Variants in AZIN1 observed in about 807,000 individuals in gnomAD.
AZIN1 encodes the protein antizyme inhibitor 1.
AZIN1 carries 12 observed loss-of-function variants against 47.4 expected under a neutral mutation model. The ratio of observed to expected loss-of-function variants is 0.25; its 90% CI spans 0.16 to 0.41. The LOEUF is 0.41. AZIN1 is among the 10% of genes least tolerant of loss of function. The probability of loss-of-function intolerance (pLI) is 1.00; values close to 1 mark genes in which losing one functional copy is unlikely to be tolerated. For synonymous variants in AZIN1, 155 were observed against 176.3 expected (o/e 0.88, Z 0.96); for missense variants, 410 against 532.4 (o/e 0.77, Z 2.26).
At chr8:102,848,603 C>T (rs1415188486) in intron 2 of AZIN1, among the ~76,000 whole-genome samples, 1 of 152,062 alleles carries the variant, frequency 6.6e-6, no homozygotes, top group Non-Finnish European at 1.5e-5. Flanking sequence ...CTTGGAAACC[C>T]AGTATTTCCA....
intron 6 of AZIN1, chr8:102,835,013 T>C (rs1253143648): frequency 5.9e-6 from 2 of 338,252 alleles, no homozygotes; most frequent in Non-Finnish European, 1.1e-5. Flanking sequence ...GTTCCACGGT[T>C]ATACAATAAG....
intron 2 of AZIN1, among the ~76,000 whole-genome samples, chr8:102,850,771 G>GA (rs1402856435): frequency 6.6e-6 from 1 of 152,142 alleles, no homozygotes; most frequent in Non-Finnish European, 1.5e-5. Context: ...TGATGAGGTT[G>GA]AAAAAACTGA....
chr8:102,843,752 C>A lies in AZIN1; in HGVS notation c.-95-5G>T. 6.6e-7 allele frequency: 1 copy of A among 1,522,308 alleles called. No individual in the cohort carries two copies. The highest frequency in any genetic ancestry group is 1.3e-5 in the South Asian group (1 of 78,576). 94.3% of individuals were successfully genotyped at this position (1,522,308 alleles called of 1,614,324 possible). ...GTCCTTAGAATATGCAACAAACTGT[C>A]AAAATATAAGTTATATAAAAGTCTG... On this transcript the variant is annotated splice_region_variant and splice_polypyrimidine_tract_variant and intron_variant, in intron 2 of 11. Coordinates refer to ENST00000337198, the MANE Select transcript of AZIN1 (RefSeq NM_148174.4).
intron 2 of AZIN1, among the ~76,000 whole-genome samples, chr8:102,854,179 T>G (rs970626262): frequency 6.6e-6 from 1 of 151,952 alleles, no homozygotes; most frequent in Admixed American, 6.6e-5. Context: ...CTTCAGATGA[T>G]CTGCCGGCCT....
intron 5 of AZIN1, 109 bp from the exon 6 acceptor site, chr8:102,836,499 A>G: frequency 8.2e-7 from 1 of 1,212,542 alleles, no homozygotes; most frequent in Non-Finnish European, 1.2e-6. Flanking sequence ...GTGCTCCCAA[A>G]TCCAGCGACG....
At chr8:102,833,269 C>T (rs762872956) in intron 8 of AZIN1, 51 bp from the exon 9 acceptor site, 53 of 1,531,054 alleles carry the variant, frequency 3.5e-5, no homozygotes, top group African/African-American at 5.6e-5. Flanking sequence ...TTAGATAATT[C>T]GCAATATTCA....
At chr8:102,841,779 T>C (rs1473386106) in intron 3 of AZIN1, among the ~76,000 whole-genome samples, 3 of 135,450 alleles carry the variant, frequency 2.2e-5, no homozygotes, top group Non-Finnish European at 4.6e-5. Context: ...AAAGATTGTA[T>C]CAGTTAAGTC....
At chr8:102,842,515 G>A (rs1269090766) in intron 3 of AZIN1, among the ~76,000 whole-genome samples, 2 of 152,062 alleles carry the variant, frequency 1.3e-5, no homozygotes, top group Non-Finnish European at 2.9e-5. Flanking sequence ...AGACCAGCCT[G>A]GCCAACATGG....
At chr8:102,829,739 C>G in intron 10 of AZIN1, 82 bp downstream of exon 10, 1 of 1,110,528 alleles carries the variant, frequency 9.0e-7, no homozygotes, top group East Asian at 2.4e-5. Context: ...AGATGTTTTT[C>G]AAAAAACTGG....
At chr8:102,846,808 C>T (rs1053473759) in intron 2 of AZIN1, among the ~76,000 whole-genome samples, 1 of 152,150 alleles carries the variant, frequency 6.6e-6, no homozygotes, top group Non-Finnish European at 1.5e-5. Context: ...TACTCACAGC[C>T]TTTCTTCATA....
chr8:102,851,892 T>C (rs182535826), intron 2 of AZIN1, among the ~76,000 whole-genome samples: 148 of 152,320 alleles, frequency 9.7e-4, no homozygotes, highest in African/African-American at 3.4e-3. Flanking sequence ...TTCCACTGGC[T>C]GGCAGTTTAA....
intron 1 of AZIN1, among the ~76,000 whole-genome samples, chr8:102,860,564 A>G (rs1237065536): frequency 2.6e-5 from 4 of 152,062 alleles, no homozygotes; most frequent in Non-Finnish European, 4.4e-5. Flanking sequence ...CGCCTGGCCT[A>G]TTTTATTTTC....
intron 3 of AZIN1, among the ~76,000 whole-genome samples, chr8:102,842,311 T>C (rs1382502380): frequency 6.6e-6 from 1 of 152,206 alleles, no homozygotes; most frequent in African/African-American, 2.4e-5. Context: ...GGCTCACGCC[T>C]GTTAATCCAA....
chr8:102,854,404 A>T (rs1211033592), intron 2 of AZIN1: 2 of 150,534 alleles, frequency 1.3e-5, no homozygotes, highest in Admixed American at 1.3e-4. Context: ...GTTCAAGACC[A>T]GCCTGGCCAC....
At chr8:102,861,023 AAAAAGACATT>A (rs1322472984) in intron 1 of AZIN1, among the ~76,000 whole-genome samples, 1 of 42,276 alleles carries the variant, frequency 2.4e-5, no homozygotes, top group East Asian at 6.1e-4. Flanking sequence ...TCTGGAACAG[AAAAAGACATT>A]AAAGAAAAAT....
At chr8:102,844,546 T>C (rs1812435722) in intron 2 of AZIN1, among the ~76,000 whole-genome samples, 1 of 152,082 alleles carries the variant, frequency 6.6e-6, no homozygotes, top group Non-Finnish European at 1.5e-5. Flanking sequence ...TCAGAAGACC[T>C]CGTCCTGGCT....
At chr8:102,845,422 T>C (rs1812507886) in intron 2 of AZIN1, among the ~76,000 whole-genome samples, 1 of 152,220 alleles carries the variant, frequency 6.6e-6, no homozygotes, top group Non-Finnish European at 1.5e-5. Context: ...GATGTTTTTA[T>C]TTTACCAAGT....
chr8:102,844,343 CT>C (rs1195803589), intron 2 of AZIN1, among the ~76,000 whole-genome samples: 3 of 117,816 alleles, frequency 2.5e-5, no homozygotes, highest in East Asian at 4.8e-4. Flanking sequence ...TCCGTCTCTC[CT>C]AAAAAAAAAA....
At chr8:102,861,355 G>A (rs1813638988) in intron 1 of AZIN1, among the ~76,000 whole-genome samples, 1 of 151,794 alleles carries the variant, frequency 6.6e-6, no homozygotes, top group Admixed American at 6.6e-5. Context: ...AGCCTCCCGA[G>A]GAGCTGGGAT....
Sources: allele counts gnomAD v4.1 joint callset (sites outside exome capture counted in the v4.1 genomes callset), GRCh38; gene constraint gnomAD v4.1.1; transcripts MANE v1.5; gene names NCBI Gene and HGNC (gene_info 2026-07-23, HGNC 2026-07-21).